The following ERICH3 variants were observed in gnomAD, a reference collection of about 807,000 sequenced individuals.
ERICH3 encodes glutamate-rich protein 3.
A neutral mutation model predicts 131.1 loss-of-function variants in ERICH3; 126 were observed. The ratio of observed to expected loss-of-function variants is 0.96; its 90% CI spans 0.83 to 1.11. The LOEUF (loss-of-function observed/expected upper bound fraction) is 1.11, where lower values mean the gene tolerates loss of function less well. ERICH3 is among the 50% of genes most tolerant of loss of function. The pLI is 0.00. For missense variants in ERICH3, 2,050 were observed against 1,810.7 expected, an observed-to-expected ratio of 1.13 and a Z score of -2.40; for synonymous variants, 695 against 644.6, an observed-to-expected ratio of 1.08 and a Z score of -1.18.
At chr1:74,634,643 A>C (rs507431) in intron 6 of ERICH3, 8,376 of 714,652 alleles carry the variant, frequency 0.012, 182 homozygotes, top group African/African-American at 0.076. Flanking sequence ...TAATTATGGA[A>C]CTTAAAAAAT....
At chr1:74,621,216 G>A (rs553318901) in intron 7 of ERICH3, among the ~76,000 whole-genome samples, 1 of 152,086 alleles carries the variant, frequency 6.6e-6, no homozygotes, top group Admixed American at 6.6e-5. Context: ...GAGTGTGTTT[G>A]TTATATATAG....
In ERICH3 at chr1:74,571,662, C is replaced by T; in HGVS notation, c.4048G>A (p.Ala1350Thr). ...VEVLHGGGET[A>T]ETAAEEREVL... is the part of the protein sequence containing the mutation. The stretch of plus-strand genomic sequence containing the variant: ...TCCCTCTCCTCTGCGGCTGTTTCTG[C>T]CGTTTCACCACCTCCGTGTAGAACT... Residue 1350 changes from alanine to threonine, a missense_variant, in exon 14 of 15, where the codon GCA (alanine) becomes ACA (threonine). Physicochemically the swap from Ala to Thr is moderately conservative, Grantham distance 58. Transcript: ENST00000326665. 6.2e-7 allele frequency: 1 copy of T among 1,614,154 alleles called. No individual in the cohort carries two copies. Among genetic ancestry groups the T allele is most frequent in the Non-Finnish European group, 8.5e-7 (1 of 1,180,018 alleles).
chr1:74,583,342 C>T (rs1195671415), intron 12 of ERICH3, among the ~76,000 whole-genome samples: 1 of 152,008 alleles, frequency 6.6e-6, no homozygotes, highest in Non-Finnish European at 1.5e-5. Flanking sequence ...ATATACTATG[C>T]TTTTTCCTAT....
intron 6 of ERICH3, among the ~76,000 whole-genome samples, chr1:74,633,295 A>T (rs1335588478): frequency 6.6e-6 from 1 of 152,060 alleles, no homozygotes; most frequent in South Asian, 2.1e-4. Context: ...CAAGGAGTTT[A>T]TAATTGTTAG....
At chr1:74,645,602 G>T (rs536087785) in intron 3 of ERICH3, among the ~76,000 whole-genome samples, 1 of 152,016 alleles carries the variant, frequency 6.6e-6, no homozygotes, top group African/African-American at 2.4e-5. Flanking sequence ...AGAACTCAGT[G>T]CCTATTGAGT....
At chr1:74,651,180 T>TACATGGAG (rs1276737177) in intron 1 of ERICH3, among the ~76,000 whole-genome samples, 1 of 152,082 alleles carries the variant, frequency 6.6e-6, no homozygotes, top group Non-Finnish European at 1.5e-5. Flanking sequence ...ACTCCTTAAT[T>TACATGGAG]ACATGGAGAT....
At chr1:74,641,577 G>A (rs1646438293) in intron 4 of ERICH3, 118 bp from the exon 5 acceptor site, 2 of 1,227,804 alleles carry the variant, frequency 1.6e-6, no homozygotes, top group East Asian at 2.7e-5. Context: ...TCTTCCAAGA[G>A]TTACTTTTGT....
Position 74,636,179 on chromosome 1 carries a change from C to T in ERICH3, c.603+101G>A, listed in dbSNP as rs1646387199. The T allele has an allele frequency of 4.1e-6, 4 of 963,862 alleles. No homozygotes were observed. The East Asian group carries it at 8.1e-5, about 20-fold the overall frequency. 59.7% of individuals were successfully genotyped at this position (963,862 alleles called of 1,614,324 possible). ...TCATACATATACAATATAATTTTCA[C>T]TGTGTAGATTTTAATCGAATATAAT... On this transcript the variant is annotated intron_variant, in intron 6 of 14. Coordinates refer to ENST00000326665, the MANE Select transcript of ERICH3 (RefSeq NM_001002912.5).
At chr1:74,673,402 C>T in intron 1 of ERICH3, 95 bp downstream of exon 1, 1 of 1,500,850 alleles carries the variant, frequency 6.7e-7, no homozygotes. Flanking sequence ...TCGCTCCCCT[C>T]TCGCCCCTTC....
intron 1 of ERICH3, among the ~76,000 whole-genome samples, chr1:74,659,926 A>G (rs2100652704): frequency 6.6e-6 from 1 of 152,256 alleles, no homozygotes; most frequent in East Asian, 1.9e-4. Context: ...AGAGATCACA[A>G]GTTTCTGTCA....
At position 74,641,380 on chromosome 1, in the gene ERICH3, C is replaced by T. The variant is rs564362183; in HGVS notation, c.395G>A (p.Arg132His). 24 of 1,612,758 alleles carry T rather than the reference C, an allele frequency of 1.5e-5. No homozygotes were observed. In the African/African-American group the frequency reaches 2.0e-4, roughly 13 times the overall value. The change falls in exon 5 of 15, where the codon CGT (arginine) becomes CAT (histidine). Residue 132 changes from arginine (R) to histidine (H), a missense_variant. By Grantham distance (29) the Arg-to-His change is conservative. Coordinates refer to ENST00000326665, the MANE Select transcript of ERICH3 (RefSeq NM_001002912.5). The stretch of plus-strand genomic sequence containing the variant: ...TTCATCAACCAGAACACTATGGCCA[C>T]GATTACTCTTTGGGCCAACTGGTGG... ...PHPPVGPKSN[R>H]GHSVLVDEGH...
At chr1:74,599,553 C>T in intron 11 of ERICH3, 142 bp downstream of exon 11, 1 of 728,970 alleles carries the variant, frequency 1.4e-6, no homozygotes, top group East Asian at 2.7e-5. Flanking sequence ...AACAAACCTT[C>T]ACATGTACCC....
chr1:74,593,173 A>G (rs1353698514), intron 11 of ERICH3, among the ~76,000 whole-genome samples: 1 of 152,158 alleles, frequency 6.6e-6, no homozygotes, highest in Non-Finnish European at 1.5e-5. Context: ...GTTTGGTGCC[A>G]TTGTTCCATG....
chr1:74,581,743 A>T (rs918759406), intron 12 of ERICH3, among the ~76,000 whole-genome samples: 4 of 152,124 alleles, frequency 2.6e-5, no homozygotes, highest in African/African-American at 9.7e-5. Flanking sequence ...AAAAGGACTG[A>T]TGTTTATATT....
At chr1:74,634,984 C>T (rs1229770210) in intron 6 of ERICH3, 5 of 315,170 alleles carry the variant, frequency 1.6e-5, no homozygotes, top group Non-Finnish European at 2.9e-5. Flanking sequence ...GGATAATGCA[C>T]TTCTTCTATA....
At chr1:74,666,792 T>C (rs558597202) in intron 1 of ERICH3, among the ~76,000 whole-genome samples, 1 of 152,226 alleles carries the variant, frequency 6.6e-6, no homozygotes, top group East Asian at 1.9e-4. Flanking sequence ...AAAAAATCTA[T>C]CCTTGAAAAT....
At chr1:74,592,105 A>C (rs957026411) in intron 11 of ERICH3, 1 of 152,136 alleles carries the variant, frequency 6.6e-6, no homozygotes, top group Admixed American at 6.5e-5. Context: ...GATTTGAGAG[A>C]TGCTACACAG....
chr1:74,595,086 C>G (rs1647785058), intron 11 of ERICH3, among the ~76,000 whole-genome samples: 1 of 152,112 alleles, frequency 6.6e-6, no homozygotes, highest in South Asian at 2.1e-4. Flanking sequence ...ACAGCAAAAT[C>G]TGCATATATG....
rs1570900382 is a variant in ERICH3 at position 74,641,561 on chromosome 1, C to A, written c.316-102G>T. On this transcript the variant is annotated intron_variant, in intron 4 of 14. Coordinates refer to ENST00000326665, the MANE Select transcript of ERICH3 (RefSeq NM_001002912.5). ...TACTATATGACTAAAGAAATTCTTT[C>A]TCATTTCTTCCAAGAGTTACTTTTG... 3 of 1,317,716 alleles carry A rather than the reference C, an allele frequency of 2.3e-6. No individual in the cohort carries two copies. In the African/African-American group the frequency reaches 4.7e-5, roughly 20 times the overall value. 81.6% of individuals were successfully genotyped at this position (1,317,716 alleles called of 1,614,324 possible).
Sources: gnomAD v4.1 joint callset for allele counts (sites outside exome capture counted in the v4.1 genomes callset) on GRCh38, gnomAD v4.1.1 for gene constraint, MANE v1.5 for transcripts, NCBI Gene and HGNC (gene_info 2026-07-23, HGNC 2026-07-21) for gene names.